TEP1: variants seen among roughly 807,000 people sequenced by gnomAD.
The protein encoded by TEP1 is telomerase associated protein 1.
A neutral mutation model predicts 306.3 loss-of-function variants in TEP1; 241 were observed. The observed-to-expected ratio is 0.79, with a 90% CI of 0.71 to 0.88. TEP1 has a LOEUF of 0.88. TEP1 is among the 40% of genes least tolerant of loss of function. The pLI, the probability that TEP1 is intolerant of heterozygous loss-of-function variation, is 0.00. For synonymous variants in TEP1, 1,289 were observed against 1,305.5 expected (o/e 0.99, Z 0.27); for missense variants, 3,051 against 3,276.1 (o/e 0.93, Z 1.68).
chr14:20,409,833 A>C (rs948125383), intron 1 of TEP1, among the ~76,000 whole-genome samples: 6 of 151,904 alleles, frequency 3.9e-5, no homozygotes, highest in East Asian at 1.9e-4. Flanking sequence ...ATCCTGGCTA[A>C]CACAGTGAAA....
chr14:20,379,874 G>A, intron 35 of TEP1, 56 bp downstream of exon 35: 2 of 1,566,692 alleles, frequency 1.3e-6, no homozygotes, highest in Non-Finnish European at 1.7e-6. Flanking sequence ...TAGGGCTTCA[G>A]GGCAGTCTGC....
intron 1 of TEP1, among the ~76,000 whole-genome samples, chr14:20,409,743 G>A (rs756455948): frequency 9.9e-5 from 15 of 152,160 alleles, no homozygotes; most frequent in Middle Eastern, 3.4e-3. Context: ...AATGCTGGCC[G>A]GGCGCGGTGG....
Position 20,365,770 on chromosome 14 carries a change from A to C in TEP1, c.*2667T>G, listed in dbSNP as rs960985387. ...CAACTTCCGTACTTATCTCATTATAAAACATTAACAATTTGTGAACTGGCA... is the reference window on the plus strand; with the variant it reads ...CAACTTCCGTACTTATCTCATTATACAACATTAACAATTTGTGAACTGGCA... On this transcript the variant is annotated 3_prime_UTR_variant, in exon 55 of 55. Transcript: ENST00000262715. 6.6e-6 allele frequency: 1 copy of C among 152,228 alleles called. No individual in the cohort carries two copies. Among genetic ancestry groups the C allele is most frequent in the African/African-American group, 2.4e-5 (1 of 41,454 alleles). 9.4% of individuals were successfully genotyped at this position (152,228 alleles called of 1,614,324 possible).
chr14:20,375,866 A>ACT lies in TEP1; in HGVS notation c.6250_6251dup (p.Ser2084ArgfsTer8). 6.2e-7 allele frequency: 1 copy of ACT among 1,609,482 alleles called. No individual in the cohort carries two copies. Among genetic ancestry groups the ACT allele is most frequent in the Non-Finnish European group, 8.5e-7 (1 of 1,176,338 alleles). ...GTGTCCTCACGTCCCAGCAGAGGAG[A>ACT]CTCTGGATAGGCCCCAAGGAGAGGG... is the stretch of plus-strand genomic sequence containing the variant. On this transcript the variant is annotated frameshift_variant and splice_region_variant, in exon 43 of 55. Transcript: ENST00000262715. LOFTEE classifies it high-confidence loss of function.
At chr14:20,400,850 C>T (rs1878652178) in intron 9 of TEP1, 134 bp downstream of exon 9, 1 of 1,126,368 alleles carries the variant, frequency 8.9e-7, no homozygotes, top group Non-Finnish European at 1.2e-6. Context: ...AATGGCAGAC[C>T]TTATAAATCA....
Position 20,404,742 on chromosome 14 carries a change from C to A in TEP1, c.901G>T (p.Val301Phe). ...ASLYARQQLN[V>F]RNVANNILAI... is the part of the protein sequence containing the mutation. Reference sequence around the variant, plus strand: ...AAGATGTTATTGGCCACATTCCGGACGTTCAGCTGCTGCCTGGCATACAAA... The same window carrying A: ...AAGATGTTATTGGCCACATTCCGGAAGTTCAGCTGCTGCCTGGCATACAAA... The change falls in exon 5 of 55, where the codon GTC (valine) becomes TTC (phenylalanine). Residue 301 changes from valine to phenylalanine, a missense_variant. By Grantham distance (50) the Val-to-Phe change is conservative (BLOSUM62 -1). Around this residue, in one of 3 missense-constraint regions of TEP1, gnomAD observed 1,507 missense variants for 1,550.5 expected, o/e 0.97. Coordinates refer to ENST00000262715, the MANE Select transcript of TEP1 (RefSeq NM_007110.5). The A allele has an allele frequency of 6.2e-7, 1 of 1,612,698 alleles. No homozygotes were observed. The highest frequency in any genetic ancestry group is 8.5e-7 in the Non-Finnish European group (1 of 1,179,228).
At chr14:20,382,395 G>C in intron 28 of TEP1, 39 bp from the exon 29 acceptor site, 1 of 1,577,660 alleles carries the variant, frequency 6.3e-7, no homozygotes, top group Non-Finnish European at 8.6e-7. Context: ...AGTGCAGTGG[G>C]AGGAGAAGCA....
chr14:20,367,673 G>GA lies in TEP1; in HGVS notation c.*763_*764insT, dbSNP rs1884554627. On this transcript the variant is annotated 3_prime_UTR_variant, in exon 55 of 55. Coordinates refer to ENST00000262715, the MANE Select transcript of TEP1 (RefSeq NM_007110.5). ...GTTGCCCAGGCTGGAGTGCAGTGGTGTCTCGGCTCACTGCAAGCTCCGCCT... is the reference window on the plus strand; with the variant it reads ...GTTGCCCAGGCTGGAGTGCAGTGGTGATCTCGGCTCACTGCAAGCTCCGCCT... 6.6e-6 allele frequency: 1 copy of GA among 151,012 alleles called. No individual in the cohort carries two copies. Among genetic ancestry groups the GA allele is most frequent in the Non-Finnish European group, 1.5e-5 (1 of 68,220 alleles). The allele number at this position is 151,012 out of a possible 1,614,324, so 9.4% of individuals were successfully genotyped here.
rs1055000407 is a variant in TEP1, at chr14:20,366,733, G to A, written c.*1704C>T. The A allele has an allele frequency of 2.6e-5, 4 of 152,156 alleles. No homozygotes were observed. The highest frequency in any genetic ancestry group is 5.9e-5 in the Non-Finnish European group (4 of 68,038). The allele number at this position is 152,156 out of a possible 1,614,324, so 9.4% of individuals were successfully genotyped here. A position where few individuals can be genotyped will look rare whatever the true frequency, so the allele number is the denominator to read the frequency against. On this transcript the variant is annotated 3_prime_UTR_variant, in exon 55 of 55. Coordinates refer to ENST00000262715, the MANE Select transcript of TEP1 (RefSeq NM_007110.5). Reference sequence around the variant, plus strand: ...CCAGGGTGTAGTGGTATTTCTCCAAGAGAAACCTACCAAACCAGGACAAAA... The same window carrying A: ...CCAGGGTGTAGTGGTATTTCTCCAAAAGAAACCTACCAAACCAGGACAAAA...
intron 42 of TEP1, 34 bp downstream of exon 42, chr14:20,376,070 T>C: frequency 6.2e-7 from 1 of 1,606,304 alleles, no homozygotes; most frequent in South Asian, 1.1e-5. Context: ...AGAGAGGCTA[T>C]GGGACCCCAG....
chr14:20,370,447 T>A (rs1451313900), intron 51 of TEP1, among the ~76,000 whole-genome samples: 1 of 152,236 alleles, frequency 6.6e-6, no homozygotes, highest in African/African-American at 2.4e-5. Context: ...AATCATATAG[T>A]ATGTACTCCT....
At chr14:20,410,599 C>CTT (rs35446613) in intron 1 of TEP1, among the ~76,000 whole-genome samples, 29,701 of 138,622 alleles carry the variant, frequency 0.21, 3,667 homozygotes, top group East Asian at 0.38. Flanking sequence ...ATTTTTTTTT[C>CTT]TTTTTTTTTT....
chr14:20,403,992 G>C, intron 5 of TEP1, 108 bp from the exon 6 acceptor site: 1 of 1,440,266 alleles, frequency 6.9e-7, no homozygotes. Flanking sequence ...TAGCGAGCAA[G>C]TTCCCAGCCC....
At chr14:20,412,779 C>A (rs1879776778) in intron 1 of TEP1, among the ~76,000 whole-genome samples, 1 of 149,910 alleles carries the variant, frequency 6.7e-6, no homozygotes, top group Admixed American at 6.7e-5. Flanking sequence ...CTGCCTTAGC[C>A]TTCCGAGTAA....
chr14:20,384,801 T>C (rs1876979370), intron 21 of TEP1, 88 bp from the exon 22 acceptor site: 3 of 1,495,760 alleles, frequency 2.0e-6, no homozygotes, highest in African/African-American at 1.4e-5. Context: ...TGTAATTTCC[T>C]GAAGCTCCTC....
chr14:20,403,544 G>A (rs1198293182), intron 6 of TEP1, 96 bp from the exon 7 acceptor site: 2 of 1,594,152 alleles, frequency 1.3e-6, no homozygotes, highest in Non-Finnish European at 1.7e-6. Flanking sequence ...TACCAAAAAG[G>A]AAGCCAACTA....
chr14:20,383,074 G>A (rs1241936858), intron 27 of TEP1, 100 bp downstream of exon 27: 23 of 1,309,048 alleles, frequency 1.8e-5, no homozygotes, highest in Non-Finnish European at 2.4e-5. Flanking sequence ...GAAAACAAAG[G>A]AGCAGGTCTG....
rs1223150136 is a variant in TEP1 at position 20,403,458 on chromosome 14, C to T, written c.1195-10G>A. On this transcript the variant is annotated splice_polypyrimidine_tract_variant and intron_variant, in intron 6 of 54. Coordinates refer to ENST00000262715, the MANE Select transcript of TEP1 (RefSeq NM_007110.5). ...ATGGAGGCTCCATCCCCTGTAGGGA[C>T]AGGAGAAGCAATTTCAAAAAAAGGG... is the stretch of plus-strand genomic sequence containing the variant. 1.9e-6 allele frequency: 3 copies of T among 1,613,992 alleles called. No homozygotes were observed. Among genetic ancestry groups the T allele is most frequent in the African/African-American group, 2.7e-5 (2 of 75,004 alleles).
chr14:20,389,478 G>A, intron 16 of TEP1, 132 bp downstream of exon 16: 1 of 1,477,410 alleles, frequency 6.8e-7, no homozygotes, highest in Admixed American at 1.8e-5. Context: ...TCCACCTGAA[G>A]TGCAACAGAG....
Sources: gnomAD v4.1 joint callset for allele counts (sites outside exome capture counted in the v4.1 genomes callset) on GRCh38, gnomAD v4.1.1 for gene constraint, gnomAD v4.1.1 regional missense constraint, MANE v1.5 for transcripts, NCBI Gene and HGNC (gene_info 2026-07-23, HGNC 2026-07-21) for gene names.